The following RBPJ variants were observed in gnomAD, a reference collection of about 807,000 sequenced individuals.
RBPJ encodes recombination signal binding protein for immunoglobulin kappa J region, also known as recombining binding protein suppressor of hairless.
RBPJ carries 9 observed loss-of-function variants against 67.8 expected under a neutral mutation model. That is an observed-to-expected ratio of 0.13 (90% CI 0.08 to 0.23). The LOEUF (loss-of-function observed/expected upper bound fraction) is 0.23. Ranked by LOEUF, RBPJ falls within the 10% of genes least tolerant of loss-of-function variation. The pLI is 1.00. For missense variants in RBPJ, 305 were observed against 595.6 expected (o/e 0.51, Z 5.08); for synonymous variants, 198 against 203.3 (o/e 0.97, Z 0.22).
At chr4:26,305,538 C>G (rs1183048465) in intron 1 of RBPJ, among the ~76,000 whole-genome samples, 10 of 151,986 alleles carry the variant, frequency 6.6e-5, no homozygotes, top group Non-Finnish European at 5.9e-5. Flanking sequence ...GCTTGCACTT[C>G]TTTTTAAAAA....
At chr4:26,304,309 AC>A (rs1722165344) in intron 1 of RBPJ, among the ~76,000 whole-genome samples, 1 of 152,232 alleles carries the variant, frequency 6.6e-6, no homozygotes, top group Admixed American at 6.5e-5. Flanking sequence ...GGTGCCATGA[AC>A]ATTTATGTTT....
chr4:26,114,478 C>CATATATATAT, the RBPJ span, among the ~76,000 whole-genome samples: 42 of 123,186 alleles, frequency 3.4e-4, 1 homozygote, highest in South Asian at 2.2e-3. Context: ...AAAGAATGTA[C>CATATATATAT]ATATATATAT....
At chr4:26,216,362 C>T (rs530636303) in intron 1 of RBPJ, among the ~76,000 whole-genome samples, 1 of 152,258 alleles carries the variant, frequency 6.6e-6, no homozygotes, top group East Asian at 1.9e-4. Flanking sequence ...GCTCCCTCTT[C>T]TCATGGAATA....
chr4:26,303,439 T>TG (rs1722142292), intron 1 of RBPJ, among the ~76,000 whole-genome samples: 1 of 126,730 alleles, frequency 7.9e-6, no homozygotes, highest in Non-Finnish European at 1.6e-5. Flanking sequence ...CACTCCAGTC[T>TG]GAAAAAAAAA....
chr4:26,405,418 T>C (rs999545997), intron 2 of RBPJ, among the ~76,000 whole-genome samples: 7 of 151,046 alleles, frequency 4.6e-5, no homozygotes, highest in Non-Finnish European at 8.9e-5. Flanking sequence ...AGAGCTTGCT[T>C]TCTTTTTACT....
At chr4:26,135,885 C>T in the RBPJ span, among the ~76,000 whole-genome samples, 1 of 152,092 alleles carries the variant, frequency 6.6e-6, no homozygotes, top group Non-Finnish European at 1.5e-5. Flanking sequence ...CAGAGATGGA[C>T]TGTATTAGTC....
intron 2 of RBPJ, among the ~76,000 whole-genome samples, chr4:26,405,481 G>T (rs1371648910): frequency 1.3e-5 from 2 of 151,974 alleles, no homozygotes; most frequent in Non-Finnish European, 2.9e-5. Context: ...TTAAGATATT[G>T]AACTTTGTAT....
At chr4:26,228,572 G>A (rs902681433) in intron 1 of RBPJ, among the ~76,000 whole-genome samples, 5 of 152,092 alleles carry the variant, frequency 3.3e-5, no homozygotes, top group African/African-American at 4.8e-5. Context: ...TTTGCATCTC[G>A]TTTTCAGGTT....
chr4:26,155,909 A>G, the RBPJ span, among the ~76,000 whole-genome samples: 1 of 152,174 alleles, frequency 6.6e-6, no homozygotes, highest in Non-Finnish European at 1.5e-5. Context: ...AGAAGAAAGC[A>G]TGGTAGGTGT....
Position 26,270,440 on chromosome 4 carries a change from G to GAGAAAGAAAGAAA in RBPJ, c.-166-92005_-166-92004insGAAAGAAAGAAAA, listed in dbSNP as rs1560238031. Among the ~76,000 whole-genome samples, 50 of 95,528 alleles carry GAGAAAGAAAGAAA rather than the reference G, an allele frequency of 5.2e-4. 4 individuals are homozygous for GAGAAAGAAAGAAA. The highest frequency in any genetic ancestry group is 6.8e-3 in the Middle Eastern group (1 of 148). 62.7% of individuals were successfully genotyped at this position (95,528 alleles called of 152,430 possible). On this transcript the variant is annotated intron_variant, in intron 1 of 4. Transcript: ENST00000512351. ...AAGAAAGAAAGAAAGAAAGAAAGAA[G>GAGAAAGAAAGAAA]AAAGAAAGAAAGAAAGAAAAGAAAA...
At chr4:26,284,763 C>G (rs572938356) in intron 1 of RBPJ, among the ~76,000 whole-genome samples, 1 of 151,910 alleles carries the variant, frequency 6.6e-6, no homozygotes, top group African/African-American at 2.4e-5. Context: ...ACTGTGCCCC[C>G]GGCTGAACTC....
At chr4:26,126,846 T>C in the RBPJ span, among the ~76,000 whole-genome samples, 1 of 152,192 alleles carries the variant, frequency 6.6e-6, no homozygotes, top group Admixed American at 6.5e-5. Context: ...CAGAGAACCA[T>C]ATGGACAGTG....
At chr4:26,242,446 CAAA>C (rs111654269) in intron 1 of RBPJ, among the ~76,000 whole-genome samples, 7 of 112,124 alleles carry the variant, frequency 6.2e-5, no homozygotes, top group Non-Finnish European at 9.3e-5. Context: ...GACTCTGTCT[CAAA>C]AAAAAAAAAA....
intron 1 of RBPJ, among the ~76,000 whole-genome samples, chr4:26,183,109 TATC>T: frequency 6.6e-6 from 1 of 152,356 alleles, no homozygotes; most frequent in East Asian, 1.9e-4. Flanking sequence ...AATTTATTAT[TATC>T]AAGCATTACA....
At chr4:26,406,408 C>T (rs1337906282) in intron 3 of RBPJ, 138 bp downstream of exon 3, 1 of 607,340 alleles carries the variant, frequency 1.6e-6, no homozygotes, top group Non-Finnish European at 3.0e-6. Context: ...GGGGATTTGT[C>T]TCCTGAAGGG....
chr4:26,203,401 C>A (rs1560208949), intron 1 of RBPJ, among the ~76,000 whole-genome samples: 1 of 152,186 alleles, frequency 6.6e-6, no homozygotes, highest in Non-Finnish European at 1.5e-5. Context: ...CTTCCCTGAC[C>A]ACCCCACATA....
At chr4:26,135,066 A>C in the RBPJ span, among the ~76,000 whole-genome samples, 1 of 152,164 alleles carries the variant, frequency 6.6e-6, no homozygotes, top group South Asian at 2.1e-4. Flanking sequence ...TCCTCACTGC[A>C]TTCCTCCTTG....
rs1023797362 is a variant in RBPJ, at chr4:26,411,984, G to A, written c.156-3491G>A. On this transcript the variant is annotated intron_variant, in intron 3 of 10. Transcript: ENST00000355476. ...AAAAAAATTAGCCAGGCGTGGTGGC[G>A]GGTGCCTGTAGTCCCAGCTACTCGG... is the stretch of plus-strand genomic sequence containing the variant. Among the ~76,000 whole-genome samples, 117 of 151,090 alleles carry A rather than the reference G, an allele frequency of 7.7e-4. 1 individual carries two copies. Among genetic ancestry groups the A allele is most frequent in the Middle Eastern group, 3.4e-3 (1 of 294 alleles).
intron 1 of RBPJ, among the ~76,000 whole-genome samples, chr4:26,192,011 T>A (rs1456095493): frequency 7.1e-4 from 17 of 24,094 alleles, no homozygotes; most frequent in African/African-American, 1.4e-3. Flanking sequence ...TTCTTTAAAA[T>A]TTTTTTTTTT....
Sources: gnomAD v4.1 joint callset for allele counts (sites outside exome capture counted in the v4.1 genomes callset) on GRCh38, gnomAD v4.1.1 for gene constraint, MANE v1.5 for transcripts, NCBI Gene and HGNC (gene_info 2026-07-23, HGNC 2026-07-21) for gene names.